MSRA: variants seen among roughly 807,000 people sequenced by gnomAD.
MSRA encodes mitochondrial peptide methionine sulfoxide reductase.
MSRA carries 54 observed loss-of-function variants against 31.3 expected under a neutral mutation model. The ratio of observed to expected loss-of-function variants is 1.73; its 90% CI spans 1.39 to 2.17. MSRA has a LOEUF of 2.17. MSRA is among the 30% of genes most tolerant of loss of function. MSRA has a pLI of 0.00. For synonymous variants in MSRA, 169 were observed against 116.5 expected, an observed-to-expected ratio of 1.45 and a Z score of -2.90; for missense variants, 507 against 300.9, an observed-to-expected ratio of 1.69 and a Z score of -5.07.
intron 2 of MSRA, among the ~76,000 whole-genome samples, chr8:10,239,540 A>C (rs1430352783): frequency 1.3e-5 from 2 of 152,220 alleles, no homozygotes. Flanking sequence ...GTGTGGCACA[A>C]CAGAGATCCT....
chr8:10,288,872 G>A (rs914978965), intron 3 of MSRA, among the ~76,000 whole-genome samples: 1 of 152,088 alleles, frequency 6.6e-6, no homozygotes, highest in Admixed American at 6.5e-5. Flanking sequence ...TGTGCAGAAT[G>A]AATAGGCAAT....
At chr8:10,380,227 T>C (rs1192533876) in intron 5 of MSRA, among the ~76,000 whole-genome samples, 1 of 152,236 alleles carries the variant, frequency 6.6e-6, no homozygotes, top group Non-Finnish European at 1.5e-5. Flanking sequence ...AATGTTTATT[T>C]CCTTTTTATC....
intron 5 of MSRA, among the ~76,000 whole-genome samples, chr8:10,384,053 G>A (rs1213171242): frequency 6.6e-6 from 1 of 152,112 alleles, no homozygotes; most frequent in East Asian, 1.9e-4. Flanking sequence ...CTTGCTCTGT[G>A]AAGCCATACA....
chr8:10,282,363 C>T (rs2975640), intron 3 of MSRA, among the ~76,000 whole-genome samples: 55,547 of 152,062 alleles, frequency 0.37, 10,496 homozygotes, highest in Admixed American at 0.43. Flanking sequence ...CTATTTTGAT[C>T]GCCCAGAAAT....
chr8:10,328,506 T>C (rs1445642694), intron 5 of MSRA, among the ~76,000 whole-genome samples: 1 of 152,096 alleles, frequency 6.6e-6, no homozygotes, highest in African/African-American at 2.4e-5. Flanking sequence ...TCCATGATTA[T>C]GACCACCCGC....
intron 1 of MSRA, among the ~76,000 whole-genome samples, chr8:10,128,438 G>A (rs758982672): frequency 1.3e-5 from 2 of 151,928 alleles, no homozygotes; most frequent in Non-Finnish European, 1.5e-5. Flanking sequence ...ACATAAACAC[G>A]TTCAGGATCA....
At chr8:10,386,293 G>A (rs34487437) in intron 5 of MSRA, among the ~76,000 whole-genome samples, 43,981 of 152,010 alleles carry the variant, frequency 0.29, 7,087 homozygotes, top group Non-Finnish European at 0.37. Context: ...AGACTCTTCC[G>A]CTGTCCCATA....
chr8:10,310,533 G>A (rs1179688502), intron 4 of MSRA, among the ~76,000 whole-genome samples: 1 of 152,174 alleles, frequency 6.6e-6, no homozygotes, highest in African/African-American at 2.4e-5. Flanking sequence ...AGGGTTTGGT[G>A]TCTGCACTCT....
intron 5 of MSRA, among the ~76,000 whole-genome samples, chr8:10,362,802 G>C (rs556732128): frequency 6.6e-6 from 1 of 151,858 alleles, no homozygotes; most frequent in Non-Finnish European, 1.5e-5. Flanking sequence ...CCTCTTTGTC[G>C]GTTTTCAAAC....
intron 3 of MSRA, among the ~76,000 whole-genome samples, chr8:10,263,239 C>T (rs1798572222): frequency 6.6e-6 from 1 of 152,188 alleles, no homozygotes; most frequent in South Asian, 2.1e-4. Flanking sequence ...GCTGACTTTC[C>T]CATTTCTTCC....
intron 3 of MSRA, among the ~76,000 whole-genome samples, chr8:10,274,834 C>T (rs1030568714): frequency 1.3e-5 from 2 of 152,072 alleles, no homozygotes; most frequent in African/African-American, 2.4e-5. Context: ...CACCCACTCA[C>T]CTGTTCAACC....
At chr8:10,177,842 G>C (rs1286410701) in intron 1 of MSRA, among the ~76,000 whole-genome samples, 1 of 152,158 alleles carries the variant, frequency 6.6e-6, no homozygotes, top group Non-Finnish European at 1.5e-5. Flanking sequence ...CAAAACATTT[G>C]TTTCAATTGA....
chr8:10,127,983 G>C (rs1252747841), intron 1 of MSRA, among the ~76,000 whole-genome samples: 2 of 152,128 alleles, frequency 1.3e-5, no homozygotes, highest in South Asian at 4.2e-4. Flanking sequence ...ACTGGGGCAA[G>C]TTGTGGACCC....
intron 1 of MSRA, among the ~76,000 whole-genome samples, chr8:10,153,005 G>A (rs1803843559): frequency 1.3e-5 from 2 of 152,176 alleles, no homozygotes; most frequent in African/African-American, 4.8e-5. Context: ...GGGCTGAGGA[G>A]AAGAGGGGAT....
chr8:10,420,823 T>C (rs1359481281), intron 5 of MSRA, among the ~76,000 whole-genome samples: 3 of 152,162 alleles, frequency 2.0e-5, no homozygotes, highest in Non-Finnish European at 4.4e-5. Flanking sequence ...GTGAATGTAC[T>C]TAACACAACT....
At chr8:10,281,178 G>A (rs940370461) in intron 3 of MSRA, among the ~76,000 whole-genome samples, 1 of 152,156 alleles carries the variant, frequency 6.6e-6, no homozygotes, top group African/African-American at 2.4e-5. Flanking sequence ...AGTAAAGCTG[G>A]TTGTTACCAG....
At chr8:10,240,783 GC>G (rs1300718815) in intron 2 of MSRA, among the ~76,000 whole-genome samples, 1 of 151,866 alleles carries the variant, frequency 6.6e-6, no homozygotes, top group African/African-American at 2.4e-5. Flanking sequence ...GAGCTGCCCT[GC>G]ATTTCCAGCC....
At chr8:10,315,159 CG>C (rs1801641465) in intron 4 of MSRA, among the ~76,000 whole-genome samples, 1 of 152,168 alleles carries the variant, frequency 6.6e-6, no homozygotes, top group East Asian at 1.9e-4. Context: ...ACCTGCCCCC[CG>C]TGATTCAGTT....
At chr8:10,070,024 C>A (rs1303391038) in intron 1 of MSRA, among the ~76,000 whole-genome samples, 2 of 152,158 alleles carry the variant, frequency 1.3e-5, no homozygotes, top group Non-Finnish European at 2.9e-5. Context: ...CCTGTTAAAT[C>A]TTGCCAAGGA....
Sources: allele counts gnomAD v4.1 joint callset (sites outside exome capture counted in the v4.1 genomes callset), GRCh38; gene constraint gnomAD v4.1.1; transcripts MANE v1.5; gene names NCBI Gene and HGNC (gene_info 2026-07-23, HGNC 2026-07-21).